The following WARS2 variants were observed in gnomAD, a reference collection of about 807,000 sequenced individuals.
WARS2 encodes the protein tryptophan--tRNA ligase, mitochondrial.
A neutral mutation model predicts 36.5 loss-of-function variants in WARS2; 28 were observed. That is an observed-to-expected ratio of 0.77 (90% CI 0.57 to 1.05). The LOEUF (loss-of-function observed/expected upper bound fraction) is 1.05, where lower values mean the gene tolerates loss of function less well. Among genes scored for constraint, WARS2 ranks in the 50% least tolerant of loss-of-function variants. The pLI is 0.00. For synonymous variants in WARS2, 174 were observed against 178.4 expected, an observed-to-expected ratio of 0.98 and a Z score of 0.20; for missense variants, 435 against 456.8, an observed-to-expected ratio of 0.95 and a Z score of 0.44.
At chr1:119,071,653 G>A (rs1651324950) in intron 2 of WARS2, among the ~76,000 whole-genome samples, 1 of 152,080 alleles carries the variant, frequency 6.6e-6, no homozygotes, top group Non-Finnish European at 1.5e-5. Flanking sequence ...GCTCATAGAA[G>A]CACAGTAGAA....
chr1:119,123,238 C>T (rs943660191), intron 1 of WARS2, among the ~76,000 whole-genome samples: 3 of 152,230 alleles, frequency 2.0e-5, no homozygotes, highest in East Asian at 3.8e-4. Flanking sequence ...ACTGGGAAAA[C>T]TCTGGCCTTG....
rs1285549146 is a variant in WARS2 at position 119,033,137 on chromosome 1, G to A, written c.857C>T (p.Ser286Phe). Residue 286 changes from serine to phenylalanine, a missense_variant, in exon 6 of 6, where the codon TCC (serine) becomes TTC (phenylalanine). Transcript: ENST00000235521. ...GCTGCGGCGCACCACTTCCTCCACG[G>A]AGAGCCCCGTCACCGCGGCATGCAC... ...VAVHAAVTGLSVEEVVRRSAG... is the reference protein window; with the variant it reads ...VAVHAAVTGLFVEEVVRRSAG... 2 of 1,614,140 alleles carry A rather than the reference G, an allele frequency of 1.2e-6. No homozygotes were observed. Among genetic ancestry groups the A allele is most frequent in the South Asian group, 2.2e-5 (2 of 91,090 alleles).
chr1:119,064,332 C>T (rs1400037877), intron 2 of WARS2: 3 of 152,208 alleles, frequency 2.0e-5, no homozygotes, highest in Admixed American at 6.5e-5. Context: ...TTTACAGGCT[C>T]ATAGGCAGAA....
chr1:119,089,298 A>G (rs1193104297), intron 1 of WARS2, among the ~76,000 whole-genome samples: 1 of 152,192 alleles, frequency 6.6e-6, no homozygotes, highest in Non-Finnish European at 1.5e-5. Context: ...GACTGATATA[A>G]GACTACAGGG....
intron 1 of WARS2, among the ~76,000 whole-genome samples, chr1:119,092,982 C>T (rs587633979): frequency 1.6e-4 from 25 of 152,278 alleles, no homozygotes; most frequent in Admixed American, 9.8e-4. Flanking sequence ...ATCTTCTACA[C>T]TATTACCTGA....
chr1:119,042,413 G>T, intron 3 of WARS2, 64 bp from the exon 4 acceptor site: 1 of 1,457,468 alleles, frequency 6.9e-7, no homozygotes, highest in Non-Finnish European at 9.6e-7. Context: ...TAATTATACT[G>T]CTAGATTAAG....
chr1:119,090,826 T>C (rs1175583014), intron 1 of WARS2, among the ~76,000 whole-genome samples: 2 of 152,104 alleles, frequency 1.3e-5, no homozygotes, highest in Non-Finnish European at 2.9e-5. Flanking sequence ...AGCCTGGACA[T>C]CGAGGCTGCA....
chr1:119,112,825 T>C (rs1654734475), intron 1 of WARS2, among the ~76,000 whole-genome samples: 1 of 152,200 alleles, frequency 6.6e-6, no homozygotes, highest in Admixed American at 6.5e-5. Flanking sequence ...ATAATATTCT[T>C]CTGCAGTCTT....
At chr1:119,090,190 T>C (rs1652949031) in intron 1 of WARS2, among the ~76,000 whole-genome samples, 1 of 152,186 alleles carries the variant, frequency 6.6e-6, no homozygotes, top group Admixed American at 6.5e-5. Flanking sequence ...CTAAATAAGT[T>C]ATAGTTTTCT....
chr1:119,085,535 G>T (rs1161970310), intron 1 of WARS2: 10 of 1,609,844 alleles, frequency 6.2e-6, no homozygotes, highest in Non-Finnish European at 8.5e-6. Flanking sequence ...TTGGTGAGGG[G>T]GTACGAGCCC....
chr1:119,050,751 A>G (rs1163616530), intron 2 of WARS2, among the ~76,000 whole-genome samples: 2 of 152,164 alleles, frequency 1.3e-5, no homozygotes, highest in East Asian at 3.9e-4. Context: ...AAACCATACA[A>G]ACAAAAATAT....
chr1:119,071,795 C>A (rs1466269324), intron 2 of WARS2, among the ~76,000 whole-genome samples: 1 of 151,978 alleles, frequency 6.6e-6, no homozygotes. Context: ...ACCTGAAAAT[C>A]ACTTAAAGAT....
Position 119,068,378 on chromosome 1 carries a change from T to C in WARS2, c.348+7972A>G, listed in dbSNP as rs774679047. 5.3e-5 allele frequency among the ~76,000 whole-genome samples: 8 copies of C among 152,326 alleles called. No individual in the cohort carries two copies. The East Asian group carries it at 1.2e-3, about 22-fold the overall frequency. ...GCCAAGATTTATGTAGTCAGTTACTTTGGCTGTCATTCAGAAACCAATTCC... is the reference window on the plus strand; with the variant it reads ...GCCAAGATTTATGTAGTCAGTTACTCTGGCTGTCATTCAGAAACCAATTCC... On this transcript the variant is annotated intron_variant, in intron 2 of 5. Coordinates refer to ENST00000235521, the MANE Select transcript of WARS2 (RefSeq NM_015836.4).
At chr1:119,104,360 A>T (rs1463223625) in intron 1 of WARS2, among the ~76,000 whole-genome samples, 2 of 151,110 alleles carry the variant, frequency 1.3e-5, no homozygotes, top group South Asian at 2.1e-4. Flanking sequence ...TAACATAAGA[A>T]TATTAAAAAT....
At chr1:119,095,577 C>T (rs61808897) in intron 1 of WARS2, among the ~76,000 whole-genome samples, 26,218 of 151,920 alleles carry the variant, frequency 0.17, 2,795 homozygotes, top group Middle Eastern at 0.26. Context: ...GGATTACAGG[C>T]GCCTGCCACC....
intron 4 of WARS2, among the ~76,000 whole-genome samples, chr1:119,038,654 T>C (rs745783293): frequency 2.0e-5 from 3 of 152,058 alleles, no homozygotes; most frequent in Non-Finnish European, 4.4e-5. Flanking sequence ...TTTTTCTATA[T>C]CATTTTTGCT....
At position 119,045,943 on chromosome 1, in the gene WARS2, T is replaced by C. The variant is rs1238389479; in HGVS notation, c.349-281A>G. On this transcript the variant is annotated intron_variant, in intron 2 of 5. Coordinates refer to ENST00000235521, the MANE Select transcript of WARS2 (RefSeq NM_015836.4). ...CAACATCTTCAGTGAGAAAGTTTCA[T>C]GATGTCCTGAGGCATCTGTTCTATC... Among the ~76,000 whole-genome samples, 2 of 152,198 alleles carry C rather than the reference T, an allele frequency of 1.3e-5. 1 individual carries two copies. The highest frequency in any genetic ancestry group is 4.1e-4 in the South Asian group (2 of 4,830).
At chr1:119,037,893 T>C (rs1276265750) in intron 4 of WARS2, among the ~76,000 whole-genome samples, 2 of 152,246 alleles carry the variant, frequency 1.3e-5, no homozygotes, top group African/African-American at 4.8e-5. Context: ...TCATGGCCCA[T>C]ATTAGACTAG....
chr1:119,072,453 TATAGCAAACAGAAAACTTGATCA>T (rs1230119397), intron 2 of WARS2, among the ~76,000 whole-genome samples: 1 of 152,158 alleles, frequency 6.6e-6, no homozygotes, highest in Non-Finnish European at 1.5e-5. Context: ...TAATTAACTT[TATAGCAAACAGAAAACTTGATCA>T]ATACATCAAA....
Sources: gnomAD v4.1 joint callset for allele counts (sites outside exome capture counted in the v4.1 genomes callset) on GRCh38, gnomAD v4.1.1 for gene constraint, MANE v1.5 for transcripts, NCBI Gene and HGNC (gene_info 2026-07-23, HGNC 2026-07-21) for gene names.